The following TESK2 variants were observed in gnomAD, a reference collection of about 807,000 sequenced individuals.
TESK2 encodes dual specificity testis-specific protein kinase 2.
A neutral mutation model predicts 57.1 loss-of-function variants in TESK2; 39 were observed. The ratio of observed to expected loss-of-function variants is 0.68; its 90% confidence interval spans 0.53 to 0.89. The LOEUF (loss-of-function observed/expected upper bound fraction) is 0.89, where lower values mean the gene tolerates loss of function less well. Ranked by LOEUF, TESK2 falls within the 40% of genes least tolerant of loss-of-function variation. The probability of loss-of-function intolerance (pLI) is 0.00; values close to 1 mark genes in which losing one functional copy is unlikely to be tolerated. For missense variants in TESK2, 646 were observed against 732.1 expected, an observed-to-expected ratio of 0.88 and a Z score of 1.36; for synonymous variants, 249 against 267.9, an observed-to-expected ratio of 0.93 and a Z score of 0.69.
intron 2 of TESK2, among the ~76,000 whole-genome samples, chr1:45,437,519 T>C (rs894161889): frequency 3.3e-5 from 5 of 152,218 alleles, no homozygotes; most frequent in African/African-American, 1.2e-4. Flanking sequence ...CTTCCTCTTT[T>C]CCAATTTGGA....
At chr1:45,395,015 A>T (rs571129322) in intron 3 of TESK2, among the ~76,000 whole-genome samples, 1 of 152,178 alleles carries the variant, frequency 6.6e-6, no homozygotes, top group South Asian at 2.1e-4. Flanking sequence ...TAACTCTGAT[A>T]CTACTGGTAA....
chr1:45,437,182 T>A (rs1315957893), intron 2 of TESK2, among the ~76,000 whole-genome samples: 1 of 152,092 alleles, frequency 6.6e-6, no homozygotes, highest in African/African-American at 2.4e-5. Flanking sequence ...ATTCTTCCAA[T>A]CCATGAGCAT....
At chr1:45,400,596 C>T (rs1649557844) in intron 3 of TESK2, among the ~76,000 whole-genome samples, 1 of 152,136 alleles carries the variant, frequency 6.6e-6, no homozygotes, top group Non-Finnish European at 1.5e-5. Flanking sequence ...AGGAAAATAA[C>T]ATTAACATGT....
intron 3 of TESK2, among the ~76,000 whole-genome samples, chr1:45,419,675 G>T (rs1323939713): frequency 2.0e-5 from 3 of 152,030 alleles, no homozygotes; most frequent in African/African-American, 7.2e-5. Context: ...GTGTGATGGC[G>T]AGTGTCTGTA....
chr1:45,420,250 T>C (rs1210658089), intron 3 of TESK2, among the ~76,000 whole-genome samples: 1 of 152,196 alleles, frequency 6.6e-6, no homozygotes, highest in Non-Finnish European at 1.5e-5. Context: ...AAAATCATTT[T>C]TGTTTTTAAT....
chr1:45,394,679 C>A (rs202101212), intron 3 of TESK2, among the ~76,000 whole-genome samples: 1 of 57,424 alleles, frequency 1.7e-5, no homozygotes, highest in African/African-American at 7.4e-5. Context: ...ACAGGAAACT[C>A]TTTTTTTTTT....
At chr1:45,466,064 C>T (rs1051494699) in intron 1 of TESK2, among the ~76,000 whole-genome samples, 5 of 152,078 alleles carry the variant, frequency 3.3e-5, no homozygotes, top group Non-Finnish European at 5.9e-5. Flanking sequence ...ATATACTAAT[C>T]GGGCATGGTG....
chr1:45,474,139 G>A (rs1014834122), intron 1 of TESK2, among the ~76,000 whole-genome samples: 1 of 152,120 alleles, frequency 6.6e-6, no homozygotes, highest in Admixed American at 6.6e-5. Context: ...TTCGAGACCA[G>A]CCTGGCCAAC....
intron 3 of TESK2, among the ~76,000 whole-genome samples, chr1:45,391,411 G>C (rs1649140647): frequency 6.6e-6 from 1 of 151,794 alleles, no homozygotes; most frequent in Admixed American, 6.6e-5. Context: ...ATAGAGCTGG[G>C]GTCTTGCTGT....
intron 1 of TESK2, among the ~76,000 whole-genome samples, chr1:45,484,723 C>T (rs999500504): frequency 4.7e-5 from 7 of 149,544 alleles, no homozygotes; most frequent in Non-Finnish European, 7.4e-5. Flanking sequence ...CAGAGTGAGA[C>T]TCTTGTCTCA....
At chr1:45,355,595 G>A in intron 4 of TESK2, 146 bp from the exon 5 acceptor site, 1 of 812,156 alleles carries the variant, frequency 1.2e-6, no homozygotes, top group Non-Finnish European at 1.9e-6. Flanking sequence ...AAGCACTATG[G>A]TAGGTGCTGC....
At chr1:45,440,284 A>G (rs1335806709) in intron 2 of TESK2, among the ~76,000 whole-genome samples, 1 of 152,128 alleles carries the variant, frequency 6.6e-6, no homozygotes, top group Non-Finnish European at 1.5e-5. Flanking sequence ...CATTGCTCCA[A>G]TAAAAGCCTG....
At chr1:45,454,013 A>C (rs1044677447) in intron 2 of TESK2, among the ~76,000 whole-genome samples, 1 of 152,182 alleles carries the variant, frequency 6.6e-6, no homozygotes, top group Non-Finnish European at 1.5e-5. Flanking sequence ...TGAAAAAGAA[A>C]AATAAGTGTC....
intron 3 of TESK2, chr1:45,415,382 T>C: frequency 2.2e-6 from 2 of 889,308 alleles, no homozygotes; most frequent in Admixed American, 3.6e-5. Flanking sequence ...CACCAGACCA[T>C]TCCTTCTGTG....
At chr1:45,456,079 GT>G (rs1652075664) in intron 2 of TESK2, among the ~76,000 whole-genome samples, 1 of 151,994 alleles carries the variant, frequency 6.6e-6, no homozygotes, top group Non-Finnish European at 1.5e-5. Flanking sequence ...TGTAGTCCCA[GT>G]TACTCTGGAG....
At chr1:45,431,781 A>G (rs1200164860) in intron 2 of TESK2, among the ~76,000 whole-genome samples, 3 of 152,122 alleles carry the variant, frequency 2.0e-5, no homozygotes, top group Non-Finnish European at 4.4e-5. Context: ...CAAGCAAGGA[A>G]AGGGCATACT....
intron 2 of TESK2, among the ~76,000 whole-genome samples, chr1:45,439,784 A>G (rs1019609141): frequency 3.9e-5 from 6 of 152,058 alleles, no homozygotes; most frequent in Non-Finnish European, 5.9e-5. Flanking sequence ...GCAAGACCCC[A>G]TCTCTCAAAA....
intron 4 of TESK2, among the ~76,000 whole-genome samples, chr1:45,357,121 G>A (rs1439252109): frequency 6.6e-6 from 1 of 151,820 alleles, no homozygotes; most frequent in Admixed American, 6.6e-5. Context: ...ACTTGAACCC[G>A]GGAGGCAGAG....
intron 1 of TESK2, among the ~76,000 whole-genome samples, chr1:45,459,105 G>A (rs1193139871): frequency 6.6e-6 from 1 of 152,216 alleles, no homozygotes; most frequent in African/African-American, 2.4e-5. Context: ...ATTGCCAGAA[G>A]TCAGCACCGT....
Sources: allele counts gnomAD v4.1 joint callset (sites outside exome capture counted in the v4.1 genomes callset), GRCh38; gene constraint gnomAD v4.1.1; transcripts MANE v1.5; gene names NCBI Gene and HGNC (gene_info 2026-07-23, HGNC 2026-07-21).